Variants in RIMS1 observed in about 807,000 individuals in gnomAD.
The protein encoded by RIMS1 is regulating synaptic membrane exocytosis protein 1.
RIMS1 carries 83 observed loss-of-function variants against 214.1 expected under a neutral mutation model. That is an observed-to-expected ratio of 0.39 (90% CI 0.32 to 0.47). The LOEUF is 0.47. Ranked by LOEUF, RIMS1 falls within the 20% of genes least tolerant of loss-of-function variation. The pLI is 0.99. For synonymous variants in RIMS1, 793 were observed against 786.8 expected (o/e 1.01, Z -0.13); for missense variants, 2,050 against 2,161.8 (o/e 0.95, Z 1.03).
chr6:71,960,626 T>C (rs1401862401), intron 1 of RIMS1, among the ~76,000 whole-genome samples: 1 of 152,136 alleles, frequency 6.6e-6, no homozygotes. Flanking sequence ...AAATATTAGA[T>C]GTCCTTGTAG....
intron 4 of RIMS1, among the ~76,000 whole-genome samples, chr6:72,117,610 A>C (rs1196358488): frequency 6.6e-6 from 1 of 151,942 alleles, no homozygotes; most frequent in Admixed American, 6.6e-5. Flanking sequence ...CTGGAAAGCA[A>C]CTCTAAAAGG....
At chr6:72,103,234 AC>A (rs1394277111) in intron 4 of RIMS1, among the ~76,000 whole-genome samples, 1 of 152,108 alleles carries the variant, frequency 6.6e-6, no homozygotes, top group Non-Finnish European at 1.5e-5. Flanking sequence ...AATTGCAGAA[AC>A]TTTTATGGAA....
chr6:72,313,812 A>G, intron 28 of RIMS1, 140 bp downstream of exon 28: 1 of 840,672 alleles, frequency 1.2e-6, no homozygotes. Flanking sequence ...TAGTATTGCC[A>G]ACAGAATGTT....
At chr6:72,195,003 A>G (rs1387083817) in intron 6 of RIMS1, among the ~76,000 whole-genome samples, 1 of 152,200 alleles carries the variant, frequency 6.6e-6, no homozygotes, top group Non-Finnish European at 1.5e-5. Context: ...ATGTAATATA[A>G]TTCATTGAAA....
In RIMS1 at chr6:72,351,359, A is replaced by G. The variant is rs368734527; in HGVS notation, c.4366+17524A>G. 5.9e-5 allele frequency among the ~76,000 whole-genome samples: 9 copies of G among 152,296 alleles called. No homozygotes were observed. The East Asian group carries it at 1.7e-3, about 29-fold the overall frequency. ...GACAGTCATGTTTAGGTGATGTCAAACATTTATTTCATTCATTCCACAGAT... is the reference window on the plus strand; with the variant it reads ...GACAGTCATGTTTAGGTGATGTCAAGCATTTATTTCATTCATTCCACAGAT... On this transcript the variant is annotated intron_variant, in intron 29 of 33. Coordinates refer to ENST00000521978, the MANE Select transcript of RIMS1 (RefSeq NM_014989.7).
chr6:72,100,823 ACT>A (rs1448227922), intron 4 of RIMS1, among the ~76,000 whole-genome samples: 2 of 151,994 alleles, frequency 1.3e-5, no homozygotes, highest in Non-Finnish European at 2.9e-5. Context: ...TATATGATAC[ACT>A]GCAGTGCATA....
chr6:72,308,646 G>A (rs2095355990), intron 27 of RIMS1, among the ~76,000 whole-genome samples: 1 of 152,132 alleles, frequency 6.6e-6, no homozygotes, highest in Non-Finnish European at 1.5e-5. Flanking sequence ...AGTCATGTGT[G>A]TTTGATACAG....
Position 72,366,935 on chromosome 6 carries a change from A to T in RIMS1, c.4367-23663A>T, listed in dbSNP as rs1192115613. 18 of 902,690 alleles carry T rather than the reference A, an allele frequency of 2.0e-5. 1 individual carries two copies. The Admixed American group carries it at 9.9e-4, about 50-fold the overall frequency. 55.9% of individuals were successfully genotyped at this position (902,690 alleles called of 1,614,324 possible). ...AGTTTGTTTATTTATAACTTTTCAT[A>T]AAACCTAGCCAAAAGCCAAATTTCT... is the stretch of plus-strand genomic sequence containing the variant. On this transcript the variant is annotated intron_variant, in intron 29 of 33. Transcript: ENST00000521978.
intron 29 of RIMS1, among the ~76,000 whole-genome samples, chr6:72,342,557 T>G (rs962912054): frequency 1.3e-5 from 2 of 151,726 alleles, no homozygotes; most frequent in Non-Finnish European, 2.9e-5. Flanking sequence ...TTTCTTTGAT[T>G]CTACCAACAT....
At chr6:71,927,583 A>G (rs1316530532) in intron 1 of RIMS1, among the ~76,000 whole-genome samples, 1 of 152,118 alleles carries the variant, frequency 6.6e-6, no homozygotes, top group Non-Finnish European at 1.5e-5. Flanking sequence ...GTGTGAAAAT[A>G]TGTTAGGATT....
In RIMS1 at chr6:72,183,113, G is replaced by C; in HGVS notation, c.1642G>C (p.Asp548His). ...VSTPEYTSCE[D>H]VELESESVSE... ...GACGCCCGAGTACACCAGCTGCGAG[G>C]ACGTGGAGCTGGAGAGCGAGAGCGT... The change falls in exon 6 of 34, where the codon GAC becomes CAC. Residue 548 changes from aspartate (D) to histidine (H), a missense_variant. This residue lies in a region of RIMS1 where 882 missense variants were observed against 828.9 expected (regional missense o/e 1.06). Coordinates refer to ENST00000521978, the MANE Select transcript of RIMS1 (RefSeq NM_014989.7). The C allele has an allele frequency of 6.3e-7, 1 of 1,592,100 alleles. No individual in the cohort carries two copies. The highest frequency in any genetic ancestry group is 1.3e-5 in the African/African-American group (1 of 74,720).
At chr6:71,973,436 G>C (rs1050064419) in intron 2 of RIMS1, among the ~76,000 whole-genome samples, 1 of 152,156 alleles carries the variant, frequency 6.6e-6, no homozygotes, top group Non-Finnish European at 1.5e-5. Flanking sequence ...ATGGGGCTCC[G>C]GGTGGGTGGT....
chr6:71,929,713 A>AG (rs1782506315), intron 1 of RIMS1, among the ~76,000 whole-genome samples: 1 of 115,826 alleles, frequency 8.6e-6, no homozygotes, highest in Non-Finnish European at 1.9e-5. Context: ...CCTAAATTAT[A>AG]AAAAAACATT....
chr6:71,945,862 G>C (rs1436329678), intron 1 of RIMS1, among the ~76,000 whole-genome samples: 1 of 151,072 alleles, frequency 6.6e-6, no homozygotes, highest in East Asian at 2.0e-4. Context: ...CGATTCTCCT[G>C]CCTCAGCCTC....
chr6:72,265,921 C>G (rs1254150700), intron 21 of RIMS1, 39 bp from the exon 22 acceptor site: 1 of 1,406,648 alleles, frequency 7.1e-7, no homozygotes, highest in South Asian at 1.3e-5. Flanking sequence ...TTTTCTCTGT[C>G]TTTCTCTTCT....
intron 2 of RIMS1, among the ~76,000 whole-genome samples, chr6:72,000,699 C>T (rs189611458): frequency 6.6e-6 from 1 of 152,232 alleles, no homozygotes; most frequent in Admixed American, 6.5e-5. Flanking sequence ...CCCCATCTAG[C>T]CACAAATACA....
At chr6:72,006,501 C>T (rs978944184) in intron 2 of RIMS1, among the ~76,000 whole-genome samples, 10 of 152,142 alleles carry the variant, frequency 6.6e-5, no homozygotes, top group South Asian at 2.1e-4. Context: ...GGGTGCAGTG[C>T]ACCGAGTGTG....
chr6:71,948,358 T>C (rs1361429340), intron 1 of RIMS1, among the ~76,000 whole-genome samples: 1 of 152,182 alleles, frequency 6.6e-6, no homozygotes, highest in Non-Finnish European at 1.5e-5. Flanking sequence ...ACCAACAAAA[T>C]ATAAAAATAA....
intron 26 of RIMS1, among the ~76,000 whole-genome samples, chr6:72,301,533 A>G (rs2094603131): frequency 6.6e-6 from 1 of 151,676 alleles, no homozygotes; most frequent in Non-Finnish European, 1.5e-5. Flanking sequence ...ATCTGTACTG[A>G]ATATGTACAC....
Sources: allele counts gnomAD v4.1 joint callset (sites outside exome capture counted in the v4.1 genomes callset), GRCh38; gene constraint gnomAD v4.1.1; regional missense constraint gnomAD v4.1.1; transcripts MANE v1.5; gene names NCBI Gene and HGNC (gene_info 2026-07-23, HGNC 2026-07-21).